The following NAGLU variants were observed in gnomAD, a reference collection of about 807,000 sequenced individuals.
The protein encoded by NAGLU is N-acetyl-alpha-glucosaminidase.
A neutral mutation model predicts 43.4 loss-of-function variants in NAGLU; 34 were observed. That is an observed-to-expected ratio of 0.78 (90% CI 0.60 to 1.04). The LOEUF is 1.04. Ranked by LOEUF, NAGLU falls within the 50% of genes least tolerant of loss-of-function variation. NAGLU has a pLI of 0.00. For synonymous variants in NAGLU, 425 were observed against 437.6 expected (o/e 0.97, Z 0.36); for missense variants, 910 against 993.7 (o/e 0.92, Z 1.13).
chr17:42,537,709 G>A (rs1011554532), intron 2 of NAGLU, among the ~76,000 whole-genome samples, 164 bp downstream of exon 2: 1 of 152,188 alleles, frequency 6.6e-6, no homozygotes, highest in African/African-American at 2.4e-5. Flanking sequence ...CGGGCGCGGT[G>A]GCTCACGCCT....
intron 1 of NAGLU, 107 bp from the exon 2 acceptor site, chr17:42,537,291 G>A: frequency 1.3e-6 from 2 of 1,564,572 alleles, no homozygotes; most frequent in East Asian, 2.3e-5. Context: ...CAGAAGGGCC[G>A]AGTTTGGAGC....
chr17:42,538,986 G>A (rs557309974), intron 4 of NAGLU, among the ~76,000 whole-genome samples: 1 of 152,206 alleles, frequency 6.6e-6, no homozygotes, highest in African/African-American at 2.4e-5. Flanking sequence ...GCTGGGCATG[G>A]TGGCACGCGC....
chr17:42,538,201 T>C (rs1454030475), intron 2 of NAGLU, 138 bp from the exon 3 acceptor site: 1 of 1,327,830 alleles, frequency 7.5e-7, no homozygotes, highest in East Asian at 2.3e-5. Flanking sequence ...GGCTGTGGGC[T>C]CCTTGATGGC....
chr17:42,537,781 T>A (rs1487557019), intron 2 of NAGLU, among the ~76,000 whole-genome samples: 1 of 149,936 alleles, frequency 6.7e-6, no homozygotes, highest in Non-Finnish European at 1.5e-5. Context: ...ATCGAGACCA[T>A]CCTGGCCAAC....
chr17:42,542,978 C>T, intron 5 of NAGLU, 50 bp from the exon 6 acceptor site: 1 of 1,596,928 alleles, frequency 6.3e-7, no homozygotes. Context: ...TTCCCTGGGC[C>T]CTCTGTTTCA....
intron 5 of NAGLU, among the ~76,000 whole-genome samples, chr17:42,542,748 C>A (rs1220723004): frequency 6.6e-6 from 1 of 152,250 alleles, no homozygotes; most frequent in Admixed American, 6.5e-5. Flanking sequence ...CCTGCTTCAG[C>A]CCCTCAGAGT....
chr17:42,544,332 G>C lies in NAGLU; in HGVS notation c.*94G>C. ...AGACATCACAGGATAACCCAGGCCT[G>C]GGAGGAGGCCCCACGGCCTGCTGGT... On this transcript the variant is annotated 3_prime_UTR_variant, in exon 6 of 6. Transcript: ENST00000225927. 6.3e-7 allele frequency: 1 copy of C among 1,577,076 alleles called. No homozygotes were observed. The highest frequency in any genetic ancestry group is 8.6e-7 in the Non-Finnish European group (1 of 1,164,790).
At chr17:42,537,642 A>G in intron 2 of NAGLU, 97 bp downstream of exon 2, 3 of 1,513,862 alleles carry the variant, frequency 2.0e-6, no homozygotes, top group Non-Finnish European at 2.7e-6. Context: ...GTCTCTCTCT[A>G]GAAGTGCTTT....
In NAGLU at chr17:42,537,563, C is replaced by T. The variant is rs2092910178; in HGVS notation, c.531+18C>T. The T allele has an allele frequency of 1.2e-6, 2 of 1,612,686 alleles. No individual in the cohort carries two copies. Among genetic ancestry groups the T allele is most frequent in the African/African-American group, 2.7e-5 (2 of 74,934 alleles). On this transcript the variant is annotated intron_variant, in intron 2 of 5. Coordinates refer to ENST00000225927, the MANE Select transcript of NAGLU (RefSeq NM_000263.4). ...GGCAGCGGGTGCGTGCCCACTGTCCCTTCCCCACCCTCCTCTATGGCGGGA... is the reference window on the plus strand; with the variant it reads ...GGCAGCGGGTGCGTGCCCACTGTCCTTTCCCCACCCTCCTCTATGGCGGGA...
chr17:42,536,420 G>A lies in NAGLU; in HGVS notation c.148G>A (p.Val50Met). 8.0e-7 allele frequency: 1 copy of A among 1,249,796 alleles called. No individual in the cohort carries two copies. The allele number at this position is 1,249,796 out of a possible 1,614,324, so 77.4% of individuals were successfully genotyped here. Reference protein sequence around the residue: ...LGPGPAADFSVSVERALAAKP... With the variant: ...LGPGPAADFSMSVERALAAKP... Reference sequence around the variant, plus strand: ...GCCAGGCCCCGCGGCCGACTTCTCCGTGTCGGTGGAGCGCGCTCTGGCTGC... The same window carrying A: ...GCCAGGCCCCGCGGCCGACTTCTCCATGTCGGTGGAGCGCGCTCTGGCTGC... The change falls in exon 1 of 6, where the codon GTG (valine) becomes ATG (methionine). Residue 50 changes from valine to methionine, a missense_variant. Transcript: ENST00000225927.
intron 1 of NAGLU, 125 bp downstream of exon 1, chr17:42,536,780 A>C: frequency 2.2e-6 from 3 of 1,338,106 alleles, no homozygotes; most frequent in East Asian, 6.2e-5. Flanking sequence ...CGCCTCCAGC[A>C]GCTGTGTGGC....
intron 2 of NAGLU, 133 bp downstream of exon 2, chr17:42,537,678 C>T (rs2092910531): frequency 3.1e-6 from 4 of 1,311,214 alleles, no homozygotes; most frequent in Non-Finnish European, 3.1e-6. Flanking sequence ...CTTGGGCCTC[C>T]TAAAAACTGA....
chr17:42,543,046 G>A lies in NAGLU; in HGVS notation c.1040G>A (p.Trp347Ter). Residue 347 changes from tryptophan (W) to a stop codon, truncating the protein, a stop_gained, in exon 6 of 6, where the codon TGG becomes TAG. Transcript: ENST00000225927. LOFTEE classifies it high-confidence loss of function. ...AMTAVDTEAV[W>*]LLQGWLFQHQ... ...TCCACAGTGGATACTGAGGCTGTGT[G>A]GCTGCTCCAAGGCTGGCTCTTCCAG... The A allele has an allele frequency of 6.2e-7, 1 of 1,604,600 alleles. No homozygotes were observed. The highest frequency in any genetic ancestry group is 8.5e-7 in the Non-Finnish European group (1 of 1,179,996).
At chr17:42,542,883 G>C in intron 5 of NAGLU, 145 bp from the exon 6 acceptor site, 3 of 1,246,088 alleles carry the variant, frequency 2.4e-6, no homozygotes, top group South Asian at 1.2e-5. Context: ...AGAGGGACGC[G>C]TATGTGCCAC....
At position 42,536,658 on chromosome 17, in the gene NAGLU, A is replaced by G. The variant is rs973544618; in HGVS notation, c.383+3A>G. 23 of 1,496,076 alleles carry G rather than the reference A, an allele frequency of 1.5e-5. No homozygotes were observed. In the South Asian group the frequency reaches 2.4e-4, roughly 15 times the overall value. 92.7% of individuals were successfully genotyped at this position (1,496,076 alleles called of 1,614,324 possible). On this transcript the variant is annotated splice_donor_region_variant and intron_variant, in intron 1 of 5. Transcript: ENST00000225927. ...CTGACCGAGGCCACGCCCAACAGGTACCGCCCCGAAGCTTCCCCGCGTCCG... is the reference window on the plus strand; with the variant it reads ...CTGACCGAGGCCACGCCCAACAGGTGCCGCCCCGAAGCTTCCCCGCGTCCG...
In NAGLU at chr17:42,540,946, C is replaced by T. The variant is rs755356822; in HGVS notation, c.765-4C>T. On this transcript the variant is annotated splice_polypyrimidine_tract_variant and splice_region_variant and intron_variant, in intron 4 of 5. Transcript: ENST00000225927. ...GAAATATCTGAGCTTTTGCTCCCCA[C>T]TAGGGTGTTCCCTCAGGTCAATGTC... The T allele has an allele frequency of 3.7e-6, 6 of 1,614,186 alleles. No individual in the cohort carries two copies. The highest frequency in any genetic ancestry group is 1.1e-5 in the South Asian group (1 of 91,084).
rs2092930743 is a variant in NAGLU at position 42,544,146 on chromosome 17, A to G, written c.2140A>G (p.Arg714Gly). 1.2e-6 allele frequency: 2 copies of G among 1,613,832 alleles called. No homozygotes were observed. The highest frequency in any genetic ancestry group is 2.7e-5 in the African/African-American group (2 of 74,904). Residue 714 changes from arginine to glycine, a missense_variant, in exon 6 of 6, where the codon AGG becomes GGG. Physicochemically the swap from Arg to Gly is moderately radical, Grantham distance 125. Coordinates refer to ENST00000225927, the MANE Select transcript of NAGLU (RefSeq NM_000263.4). The part of the protein sequence containing the change: ...LEQAFVLSKQ[R>G]YPSQPRGDTV... ...GCAGGCCTTCGTTCTCAGCAAGCAG[A>G]GGTACCCCAGCCAGCCGCGAGGAGA...
intron 4 of NAGLU, among the ~76,000 whole-genome samples, 200 bp downstream of exon 4, chr17:42,538,955 C>T (rs1331047040): frequency 6.6e-6 from 1 of 152,148 alleles, no homozygotes; most frequent in Admixed American, 6.5e-5. Context: ...AACCCTGTCT[C>T]TACTAAAAAT....
At chr17:42,536,887 C>A in intron 1 of NAGLU, 1 of 836,216 alleles carries the variant, frequency 1.2e-6, no homozygotes, top group African/African-American at 1.7e-5. Context: ...AGGATTTGCA[C>A]GATGATGGGC....
Sources: allele counts gnomAD v4.1 joint callset (sites outside exome capture counted in the v4.1 genomes callset), GRCh38; gene constraint gnomAD v4.1.1; transcripts MANE v1.5; gene names NCBI Gene and HGNC (gene_info 2026-07-23, HGNC 2026-07-21).